The following FREM2 variants were observed in gnomAD, a reference collection of about 807,000 sequenced individuals.
The protein encoded by FREM2 is FRAS1-related extracellular matrix protein 2.
In FREM2, 119 loss-of-function variants were observed where a neutral mutation model predicts 219.9. That is an observed-to-expected ratio of 0.54 (90% CI 0.47 to 0.63). The LOEUF (loss-of-function observed/expected upper bound fraction) is 0.63. FREM2 is among the 30% of genes least tolerant of loss of function. The probability of loss-of-function intolerance (pLI) is 0.00; values close to 1 mark genes in which losing one functional copy is unlikely to be tolerated. For synonymous variants in FREM2, 1,562 were observed against 1,522.8 expected (o/e 1.03, Z -0.60); for missense variants, 4,030 against 3,993.6 (o/e 1.01, Z -0.25).
intron 2 of FREM2, among the ~76,000 whole-genome samples, chr13:38,763,664 G>A (rs1216686075): frequency 6.6e-6 from 1 of 151,832 alleles, no homozygotes; most frequent in African/African-American, 2.4e-5. Flanking sequence ...TCACACACAA[G>A]GTTTATTTTC....
At chr13:38,775,508 GC>G (rs529290924) in intron 4 of FREM2, among the ~76,000 whole-genome samples, 35 of 152,188 alleles carry the variant, frequency 2.3e-4, no homozygotes, top group African/African-American at 7.5e-4. Context: ...TAGTGGATAA[GC>G]AAAAAAGGTG....
chr13:38,874,278 T>C (rs563992499), intron 17 of FREM2, among the ~76,000 whole-genome samples: 20 of 152,328 alleles, frequency 1.3e-4, no homozygotes, highest in Admixed American at 7.2e-4. Flanking sequence ...CTCATGTTAC[T>C]TAATAATTCA....
chr13:38,736,985 A>C (rs1193614364), intron 2 of FREM2, among the ~76,000 whole-genome samples: 1 of 151,852 alleles, frequency 6.6e-6, no homozygotes, highest in Non-Finnish European at 1.5e-5. Flanking sequence ...TTCCCTACTT[A>C]AACGAATTTC....
intron 2 of FREM2, among the ~76,000 whole-genome samples, chr13:38,737,784 A>G (rs1056265349): frequency 1.3e-5 from 2 of 152,204 alleles, no homozygotes. Flanking sequence ...ATGTAAGGAA[A>G]TAAGTCATGA....
chr13:38,853,417 C>T (rs1395708918), intron 11 of FREM2, among the ~76,000 whole-genome samples: 4 of 151,048 alleles, frequency 2.6e-5, no homozygotes, highest in Admixed American at 2.6e-4. Flanking sequence ...TCCAATATTA[C>T]ATTTATGAAT....
At chr13:38,706,605 A>G (rs1870551552) in intron 2 of FREM2, among the ~76,000 whole-genome samples, 1 of 152,206 alleles carries the variant, frequency 6.6e-6, no homozygotes, top group Non-Finnish European at 1.5e-5. Context: ...TATGGAAACA[A>G]TTTGTACTAA....
Position 38,878,264 on chromosome 13 carries a change from T to G in FREM2, c.8802T>G (p.Asn2934Lys), listed in dbSNP as rs757295539. 6.2e-7 allele frequency: 1 copy of G among 1,613,846 alleles called. No individual in the cohort carries two copies. The highest frequency in any genetic ancestry group is 1.1e-5 in the South Asian group (1 of 91,066). The stretch of plus-strand genomic sequence containing the variant: ...ATGTTCCCAAGTATAGTCCAATGAA[T>G]GCAGAATATGGCTGCTTAGCCGACT... ...DGYVPKYSPM[N>K]AEYGCLADSP... Residue 2934 changes from asparagine to lysine, a missense_variant, in exon 22 of 24, where the codon AAT (asparagine) becomes AAG (lysine). Asn to Lys is a moderately conservative substitution (Grantham distance 94). This residue lies in a region of FREM2 where 928 missense variants were observed against 1,042.9 expected (regional missense o/e 0.89). Transcript: ENST00000280481.
chr13:38,818,134 A>G (rs1875842936), intron 6 of FREM2, among the ~76,000 whole-genome samples: 1 of 152,134 alleles, frequency 6.6e-6, no homozygotes, highest in Non-Finnish European at 1.5e-5. Flanking sequence ...CGGTTCCTCA[A>G]TTAACTAGAA....
chr13:38,710,225 G>T (rs1467811556), intron 2 of FREM2, among the ~76,000 whole-genome samples: 1 of 151,968 alleles, frequency 6.6e-6, no homozygotes, highest in African/African-American at 2.4e-5. Context: ...AAACATCAAT[G>T]ATATTGGTCA....
rs138350516 is a variant in FREM2, at chr13:38,724,893, G to A, written c.5263+27106G>A. Among the ~76,000 whole-genome samples the A allele has an allele frequency of 3.6e-3, 543 of 152,260 alleles. 2 individuals carry two copies. The highest frequency in any genetic ancestry group is 0.012 in the African/African-American group (512 of 41,554). ...TTAATTGTAGTAGTTAAGATCATACGTCCATCCAGGAACCAGGAAGTTGTA... is the reference window on the plus strand; with the variant it reads ...TTAATTGTAGTAGTTAAGATCATACATCCATCCAGGAACCAGGAAGTTGTA... On this transcript the variant is annotated intron_variant, in intron 2 of 23. Transcript: ENST00000280481.
rs10661426 is a variant in FREM2 at position 38,753,973 on chromosome 13, T to TTTTTA, written c.5264-10311_5264-10307dup. On this transcript the variant is annotated intron_variant, in intron 2 of 23. Coordinates refer to ENST00000280481, the MANE Select transcript of FREM2 (RefSeq NM_207361.6). ...ACACATTCTTTTTATTTTATTTTAT[T>TTTTTA]TTTTATTTTATTTTATTTTATTTTT... 5.8e-3 allele frequency among the ~76,000 whole-genome samples: 860 copies of TTTTTA among 148,484 alleles called. 32 individuals carry two copies. Among genetic ancestry groups the TTTTTA allele is most frequent in the Admixed American group, 0.051 (760 of 14,966 alleles).
At position 38,851,035 on chromosome 13, in the gene FREM2, A is replaced by G. The variant is rs114333791; in HGVS notation, c.6669A>G (p.Gln2223=). 1.3e-4 allele frequency: 206 copies of G among 1,614,092 alleles called. 1 individual carries two copies. The East Asian group carries it at 3.6e-3, about 28-fold the overall frequency. ...TCCGCCTGGTACTCGGCACTCCACA[A>G]AGCAACTCTCCCTTTGGGGCTGCAG... ...EELRLVLGTP[Q]SNSPFGAAVG... is the part of the protein sequence containing the mutation. The change falls in exon 10 of 24, where the codon CAA becomes CAG. Residue 2223 remains glutamine (Q), a synonymous_variant. Transcript: ENST00000280481.
intron 4 of FREM2, among the ~76,000 whole-genome samples, chr13:38,775,693 C>T (rs1261429578): frequency 6.6e-6 from 1 of 152,182 alleles, no homozygotes; most frequent in Non-Finnish European, 1.5e-5. Flanking sequence ...AATCTTGGCT[C>T]ACTGCAGCCT....
At chr13:38,851,431 A>T (rs949802203) in intron 10 of FREM2, among the ~76,000 whole-genome samples, 2 of 152,080 alleles carry the variant, frequency 1.3e-5, no homozygotes, top group African/African-American at 4.8e-5. Context: ...TGGCCTGCTC[A>T]TGTGTAATTT....
In FREM2 at chr13:38,881,049, ACTC is replaced by A; in HGVS notation, c.*266_*268del. 1 of 535,130 alleles carries A rather than the reference ACTC, an allele frequency of 1.9e-6. No homozygotes were observed. Among genetic ancestry groups the A allele is most frequent in the Non-Finnish European group, 3.4e-6 (1 of 295,854 alleles). 33.1% of individuals were successfully genotyped at this position (535,130 alleles called of 1,614,324 possible). A position where few individuals can be genotyped will look rare whatever the true frequency, so the allele number is the denominator to read the frequency against. ...CACAGAGCCATGATGTGAGGAATGT[ACTC>A]CTCATTTTAGACATATTCTCTATGC... is the stretch of plus-strand genomic sequence containing the variant. On this transcript the variant is annotated 3_prime_UTR_variant, in exon 24 of 24. Coordinates refer to ENST00000280481, the MANE Select transcript of FREM2 (RefSeq NM_207361.6).
At chr13:38,747,395 A>ATGTGTGTGTGTGTGTGTGTGTGTGTG (rs71917471) in intron 2 of FREM2, among the ~76,000 whole-genome samples, 12 of 142,922 alleles carry the variant, frequency 8.4e-5, no homozygotes, top group African/African-American at 2.9e-4. Context: ...CTGATATAAT[A>ATGTGTGTGTGTGTGTGTGTGTGTGTG]TGTGTGTGTG....
rs1296766554 is a variant in FREM2 at position 38,851,092 on chromosome 13, C to A, written c.6726C>A (p.Ile2242=). The A allele has an allele frequency of 6.2e-7, 1 of 1,613,738 alleles. No homozygotes were observed. The highest frequency in any genetic ancestry group is 8.5e-7 in the Non-Finnish European group (1 of 1,179,934). Residue 2242 remains isoleucine (I), a synonymous_variant, in exon 10 of 24, where the codon ATC becomes ATA. Coordinates refer to ENST00000280481, the MANE Select transcript of FREM2 (RefSeq NM_207361.6). ...VGEQNETLIR[I]RDDADKTVIK... is the part of the protein sequence containing the mutation. ...AACAAAATGAAACTCTCATAAGGATCCGAGATGATGCTGATAGTAAGAAAT... is the reference window on the plus strand; with the variant it reads ...AACAAAATGAAACTCTCATAAGGATACGAGATGATGCTGATAGTAAGAAAT...
intron 7 of FREM2, among the ~76,000 whole-genome samples, chr13:38,847,593 G>A (rs1877211192): frequency 1.3e-5 from 2 of 151,978 alleles, no homozygotes; most frequent in South Asian, 2.1e-4. Context: ...GGAAGAAGCA[G>A]AGGAAAAGAA....
At chr13:38,705,234 C>T (rs1237365645) in intron 2 of FREM2, among the ~76,000 whole-genome samples, 1 of 151,992 alleles carries the variant, frequency 6.6e-6, no homozygotes, top group Admixed American at 6.6e-5. Flanking sequence ...AATGTTGGAT[C>T]CAAATCTGTA....
Sources: allele counts gnomAD v4.1 joint callset (sites outside exome capture counted in the v4.1 genomes callset), GRCh38; gene constraint gnomAD v4.1.1; regional missense constraint gnomAD v4.1.1; transcripts MANE v1.5; gene names NCBI Gene and HGNC (gene_info 2026-07-23, HGNC 2026-07-21).